Variants in TBC1D5 observed in about 807,000 individuals in gnomAD.
TBC1D5 encodes TBC1 domain family, member 5.
In TBC1D5, 75 loss-of-function variants were observed where a neutral mutation model predicts 100.3. The observed-to-expected ratio is 0.75, with a 90% CI of 0.62 to 0.91. The LOEUF (loss-of-function observed/expected upper bound fraction) is 0.91, where lower values mean the gene tolerates loss of function less well. Ranked by LOEUF, TBC1D5 falls within the 40% of genes least tolerant of loss-of-function variation. The pLI is 0.00. For synonymous variants in TBC1D5, 323 were observed against 325.6 expected, an observed-to-expected ratio of 0.99 and a Z score of 0.09; for missense variants, 910 against 942.4, an observed-to-expected ratio of 0.97 and a Z score of 0.45.
intron 13 of TBC1D5, among the ~76,000 whole-genome samples, chr3:17,346,448 C>T (rs183518058): frequency 6.6e-6 from 1 of 152,120 alleles, no homozygotes; most frequent in East Asian, 1.9e-4. Flanking sequence ...GTTACTAATC[C>T]TTTTCCTATT....
At chr3:17,459,118 G>C (rs1219213413) in intron 3 of TBC1D5, among the ~76,000 whole-genome samples, 1 of 152,174 alleles carries the variant, frequency 6.6e-6, no homozygotes, top group Non-Finnish European at 1.5e-5. Flanking sequence ...CACCTTGTGT[G>C]TGGACACCAT....
At chr3:17,275,181 G>A (rs557527851) in intron 15 of TBC1D5, among the ~76,000 whole-genome samples, 70 of 152,130 alleles carry the variant, frequency 4.6e-4, no homozygotes, top group Admixed American at 2.8e-3. Context: ...CCTAAGAATT[G>A]TGAATCAGTC....
intron 13 of TBC1D5, among the ~76,000 whole-genome samples, chr3:17,347,495 A>T (rs372743849): frequency 3.8e-4 from 58 of 151,850 alleles, no homozygotes; most frequent in African/African-American, 1.2e-3. Context: ...AAATTAAATT[A>T]AAAAAAATTA....
intron 1 of TBC1D5, among the ~76,000 whole-genome samples, chr3:17,715,980 A>C (rs2075200656): frequency 6.7e-6 from 1 of 149,314 alleles, no homozygotes; most frequent in Admixed American, 6.8e-5. Flanking sequence ...TGAATCCGGG[A>C]GGCGGAGGCT....
intron 13 of TBC1D5, among the ~76,000 whole-genome samples, chr3:17,315,827 GA>G (rs1233546522): frequency 6.6e-6 from 1 of 152,164 alleles, no homozygotes; most frequent in Non-Finnish European, 1.5e-5. Context: ...CCAGGGGAAA[GA>G]TAAAGCTTTA....
intron 14 of TBC1D5, among the ~76,000 whole-genome samples, chr3:17,297,768 T>TA (rs1357993314): frequency 3.3e-4 from 50 of 149,500 alleles, no homozygotes; most frequent in Non-Finnish European, 5.6e-4. Context: ...TTTTTTTTTT[T>TA]AATTGAGACG....
chr3:17,196,867 T>C (rs946928539), intron 18 of TBC1D5, among the ~76,000 whole-genome samples: 16 of 152,192 alleles, frequency 1.1e-4, no homozygotes, highest in African/African-American at 3.9e-4. Flanking sequence ...AATGTGAACT[T>C]GTTTCAATGA....
chr3:17,487,713 T>C (rs919385049), intron 3 of TBC1D5, among the ~76,000 whole-genome samples: 2 of 152,218 alleles, frequency 1.3e-5, no homozygotes, highest in Non-Finnish European at 2.9e-5. Context: ...AGCATGTGTT[T>C]GTATTAAACT....
intron 15 of TBC1D5, among the ~76,000 whole-genome samples, chr3:17,291,192 C>T (rs1201041037): frequency 7.2e-5 from 11 of 152,232 alleles, no homozygotes; most frequent in Admixed American, 7.2e-4. Flanking sequence ...CTCTCTCATA[C>T]TTCTTCCAAT....
At chr3:17,665,807 AT>A (rs1477094890) in intron 1 of TBC1D5, among the ~76,000 whole-genome samples, 4 of 152,120 alleles carry the variant, frequency 2.6e-5, no homozygotes, top group Non-Finnish European at 5.9e-5. Flanking sequence ...ATTGTTCCTC[AT>A]TATTTCCCCT....
chr3:17,290,905 T>C (rs1018121836), intron 15 of TBC1D5, among the ~76,000 whole-genome samples: 1 of 152,176 alleles, frequency 6.6e-6, no homozygotes, highest in Non-Finnish European at 1.5e-5. Flanking sequence ...CATAAGGAAG[T>C]GAATTCTTTT....
At chr3:17,524,699 A>C (rs1375050751) in intron 2 of TBC1D5, 4 of 152,102 alleles carry the variant, frequency 2.6e-5, no homozygotes, top group Non-Finnish European at 5.9e-5. Flanking sequence ...TCTCTACTAA[A>C]AATACAAAAA....
chr3:17,677,289 C>G (rs2153801441), intron 1 of TBC1D5, among the ~76,000 whole-genome samples: 1 of 152,236 alleles, frequency 6.6e-6, no homozygotes, highest in South Asian at 2.1e-4. Context: ...CTACAATGAA[C>G]TCAAACAAAT....
At chr3:17,588,926 T>C (rs142778411) in intron 2 of TBC1D5, among the ~76,000 whole-genome samples, 10 of 152,336 alleles carry the variant, frequency 6.6e-5, no homozygotes, top group African/African-American at 2.4e-4. Context: ...AAAATATCCA[T>C]GATTTCTTGT....
chr3:17,378,008 T>G (rs534245334), intron 9 of TBC1D5, among the ~76,000 whole-genome samples: 2 of 151,950 alleles, frequency 1.3e-5, no homozygotes, highest in African/African-American at 2.4e-5. Flanking sequence ...ATGAAGGGTT[T>G]ACTCTCTTGG....
At chr3:17,201,835 G>C (rs2071499006) in intron 18 of TBC1D5, among the ~76,000 whole-genome samples, 1 of 152,158 alleles carries the variant, frequency 6.6e-6, no homozygotes, top group Admixed American at 6.5e-5. Context: ...GGAACTTTGA[G>C]CCAATTAAAT....
exon 13 of TBC1D5, chr3:17,372,245 C>T: frequency 6.3e-7 from 1 of 1,599,722 alleles, no homozygotes; most frequent in Non-Finnish European, 8.5e-7. Flanking sequence ...GTGTTTCTTT[C>T]CCCTAAAAAC....
intron 3 of TBC1D5, among the ~76,000 whole-genome samples, chr3:17,462,724 T>C (rs2095237523): frequency 6.6e-6 from 1 of 152,148 alleles, no homozygotes; most frequent in South Asian, 2.1e-4. Context: ...TACAGAATAA[T>C]AATAAAGACT....
intron 17 of TBC1D5, among the ~76,000 whole-genome samples, chr3:17,222,182 T>C (rs953218845): frequency 7.2e-5 from 11 of 152,190 alleles, no homozygotes; most frequent in African/African-American, 2.4e-4. Flanking sequence ...CTTTCTATCT[T>C]CCTGAGTTGT....
Sources: allele counts gnomAD v4.1 joint callset (sites outside exome capture counted in the v4.1 genomes callset), GRCh38; gene constraint gnomAD v4.1.1; transcripts MANE v1.5; gene names NCBI Gene and HGNC (gene_info 2026-07-23, HGNC 2026-07-21).